Variants in BTBD9 observed in about 807,000 individuals in gnomAD.
BTBD9 encodes BTB/POZ domain-containing protein 9.
A neutral mutation model predicts 64.3 loss-of-function variants in BTBD9; 49 were observed. The ratio of observed to expected loss-of-function variants is 0.76; its 90% CI spans 0.61 to 0.97. The LOEUF is 0.97. Ranked by LOEUF, BTBD9 falls within the 50% of genes least tolerant of loss-of-function variation. The pLI, the probability that BTBD9 is intolerant of heterozygous loss-of-function variation, is 0.00. For missense variants in BTBD9, 598 were observed against 762.1 expected (o/e 0.78, Z 2.53); for synonymous variants, 260 against 274.7 (o/e 0.95, Z 0.53).
At chr6:38,527,287 A>AAAG (rs1282982237) in intron 6 of BTBD9, among the ~76,000 whole-genome samples, 1 of 149,874 alleles carries the variant, frequency 6.7e-6, no homozygotes, top group African/African-American at 2.5e-5. Context: ...AAAAAAAAAA[A>AAAG]AAAAAAAAAG....
At chr6:38,506,522 G>T (rs550121490) in intron 6 of BTBD9, among the ~76,000 whole-genome samples, 2 of 152,150 alleles carry the variant, frequency 1.3e-5, no homozygotes, top group Admixed American at 1.3e-4. Context: ...CACTAACCTG[G>T]GAAAAGATGA....
chr6:38,354,453 A>G (rs1764640086), intron 6 of BTBD9, among the ~76,000 whole-genome samples: 1 of 152,204 alleles, frequency 6.6e-6, no homozygotes, highest in Admixed American at 6.5e-5. Context: ...ATAATACTAT[A>G]GGTTCAGCTT....
chr6:38,414,416 G>A (rs1767575345), intron 6 of BTBD9, among the ~76,000 whole-genome samples: 1 of 152,164 alleles, frequency 6.6e-6, no homozygotes, highest in South Asian at 2.1e-4. Context: ...GAATAATGAA[G>A]GATGTAAGTC....
At chr6:38,439,134 T>TG (rs1473320894) in intron 6 of BTBD9, among the ~76,000 whole-genome samples, 2 of 117,074 alleles carry the variant, frequency 1.7e-5, no homozygotes, top group African/African-American at 6.3e-5. Flanking sequence ...TTTTTTTTTT[T>TG]GGTGAGATGG....
intron 10 of BTBD9, among the ~76,000 whole-genome samples, chr6:38,188,554 G>T (rs977501002): frequency 1.3e-5 from 2 of 152,214 alleles, no homozygotes; most frequent in African/African-American, 4.8e-5. Flanking sequence ...CAAATCCATC[G>T]ATAGTTTTTG....
At chr6:38,240,801 TC>T (rs1763966890) in intron 9 of BTBD9, among the ~76,000 whole-genome samples, 2 of 152,218 alleles carry the variant, frequency 1.3e-5, no homozygotes, top group Non-Finnish European at 2.9e-5. Flanking sequence ...CTTGATTACT[TC>T]TTAATGTTAT....
At chr6:38,210,998 T>C (rs1762814473) in intron 9 of BTBD9, among the ~76,000 whole-genome samples, 1 of 152,104 alleles carries the variant, frequency 6.6e-6, no homozygotes. Flanking sequence ...CCTTCCCCAT[T>C]CTGGGCAAAA....
intron 6 of BTBD9, among the ~76,000 whole-genome samples, chr6:38,429,071 T>C (rs1273857939): frequency 6.6e-6 from 1 of 151,860 alleles, no homozygotes; most frequent in Middle Eastern, 3.2e-3. Flanking sequence ...TTGCCTATTA[T>C]ATTTTCTTCT....
At chr6:38,231,098 T>C (rs996640093) in intron 9 of BTBD9, among the ~76,000 whole-genome samples, 6 of 152,326 alleles carry the variant, frequency 3.9e-5, no homozygotes, top group East Asian at 1.9e-4. Context: ...CTCATAATGG[T>C]GAGAATTATA....
chr6:38,211,158 G>A (rs567193396), intron 9 of BTBD9, among the ~76,000 whole-genome samples: 5 of 152,338 alleles, frequency 3.3e-5, no homozygotes, highest in South Asian at 2.1e-4. Flanking sequence ...GGCCAGGCAC[G>A]GTGGCTCACG....
At position 38,558,128 on chromosome 6, in the gene BTBD9, G is replaced by A. The variant is rs144984335; in HGVS notation, c.1154+19472C>T. Reference sequence around the variant, plus strand: ...TAAAAAATAAAACCAGCCAGGTTTGGTGGTATGTGCCTGCAGTCCTAGCTA... The same window carrying A: ...TAAAAAATAAAACCAGCCAGGTTTGATGGTATGTGCCTGCAGTCCTAGCTA... On this transcript the variant is annotated intron_variant, in intron 6 of 10. Coordinates refer to ENST00000481247, the MANE Select transcript of BTBD9 (RefSeq NM_001099272.2). Among the ~76,000 whole-genome samples the A allele has an allele frequency of 2.6e-5, 4 of 152,234 alleles. No individual in the cohort carries two copies. In the East Asian group the frequency reaches 5.8e-4, roughly 22 times the overall value.
intron 1 of BTBD9, among the ~76,000 whole-genome samples, chr6:38,608,633 T>G (rs1269091781): frequency 6.6e-6 from 1 of 152,230 alleles, no homozygotes; most frequent in Non-Finnish European, 1.5e-5. Flanking sequence ...TTTTCATTTG[T>G]AGAATGTTAT....
At chr6:38,282,429 A>G (rs1396989621) in intron 8 of BTBD9, among the ~76,000 whole-genome samples, 1 of 152,184 alleles carries the variant, frequency 6.6e-6, no homozygotes, top group Non-Finnish European at 1.5e-5. Flanking sequence ...GTAAGTTAGG[A>G]CACCTCCTGC....
Position 38,438,206 on chromosome 6 carries a change from A to G in BTBD9, c.1155-93113T>C, listed in dbSNP as rs9357274. ...AAGGAAGGAGGAAAGGAGGAAAGGA[A>G]GGAGGGAGGGAGGGAGGGAGGGAGG... On this transcript the variant is annotated intron_variant, in intron 6 of 10. Transcript: ENST00000481247. 2.2e-3 allele frequency among the ~76,000 whole-genome samples: 215 copies of G among 98,324 alleles called. 5 individuals are homozygous for G. The highest frequency in any genetic ancestry group is 7.1e-3 in the African/African-American group (173 of 24,300). 64.5% of individuals were successfully genotyped at this position (98,324 alleles called of 152,430 possible). A position where few individuals can be genotyped will look rare whatever the true frequency, so the allele number is the denominator to read the frequency against.
intron 7 of BTBD9, among the ~76,000 whole-genome samples, chr6:38,335,715 G>A (rs541125931): frequency 3.9e-5 from 6 of 151,984 alleles, no homozygotes; most frequent in African/African-American, 7.2e-5. Flanking sequence ...ACAGGCGTGC[G>A]CCACCATGCC....
At chr6:38,604,522 A>T (rs530440522) in intron 1 of BTBD9, among the ~76,000 whole-genome samples, 35 of 152,340 alleles carry the variant, frequency 2.3e-4, no homozygotes, top group Non-Finnish European at 4.0e-4. Flanking sequence ...AAACACAAAG[A>T]TTAATAAAAG....
intron 6 of BTBD9, among the ~76,000 whole-genome samples, chr6:38,503,370 A>G (rs1314678705): frequency 6.6e-6 from 1 of 151,982 alleles, no homozygotes; most frequent in East Asian, 1.9e-4. Flanking sequence ...TTTACAGCCC[A>G]TCTACCTGTT....
chr6:38,250,641 C>T (rs1405251612), intron 9 of BTBD9, among the ~76,000 whole-genome samples: 1 of 152,064 alleles, frequency 6.6e-6, no homozygotes, highest in Non-Finnish European at 1.5e-5. Context: ...AAATAACTAT[C>T]ACAATGTCAA....
At chr6:38,498,640 T>C (rs895006963) in intron 6 of BTBD9, among the ~76,000 whole-genome samples, 1 of 152,130 alleles carries the variant, frequency 6.6e-6, no homozygotes, top group Non-Finnish European at 1.5e-5. Flanking sequence ...AGGGGACACA[T>C]GAAACCTGTG....
Sources: allele counts gnomAD v4.1 joint callset (sites outside exome capture counted in the v4.1 genomes callset), GRCh38; gene constraint gnomAD v4.1.1; transcripts MANE v1.5; gene names NCBI Gene and HGNC (gene_info 2026-07-23, HGNC 2026-07-21).